The following DNAJC10 variants were observed in gnomAD, a reference collection of about 807,000 sequenced individuals.
DNAJC10 encodes the protein DnaJ heat shock protein family (Hsp40) member C10.
In DNAJC10, 101 loss-of-function variants were observed where a neutral mutation model predicts 115.0. The observed-to-expected ratio is 0.88, with a 90% CI of 0.75 to 1.04. DNAJC10 has a LOEUF of 1.04. Ranked by LOEUF, DNAJC10 falls within the 50% of genes least tolerant of loss-of-function variation. The probability of loss-of-function intolerance (pLI) is 0.00; values close to 1 mark genes in which losing one functional copy is unlikely to be tolerated. For synonymous variants in DNAJC10, 307 were observed against 301.5 expected, an observed-to-expected ratio of 1.02 and a Z score of -0.19; for missense variants, 981 against 928.8, an observed-to-expected ratio of 1.06 and a Z score of -0.73.
chr2:182,746,666 G>C (rs1459591507), intron 14 of DNAJC10, among the ~76,000 whole-genome samples: 6 of 151,996 alleles, frequency 3.9e-5, no homozygotes, highest in Non-Finnish European at 5.9e-5. Flanking sequence ...AAAATTTTCT[G>C]CCATTCTTTA....
rs1220295574 is a variant in DNAJC10, at chr2:182,788,818, A to G, written c.*11686A>G. ...CTCTATGACTTTATGATCACTTAGT[A>G]TGTCTACGGATTTTTTGGGGAAGAG... On this transcript the variant is annotated 3_prime_UTR_variant, in exon 24 of 24. Coordinates refer to ENST00000264065, the MANE Select transcript of DNAJC10 (RefSeq NM_018981.4). The G allele has an allele frequency of 4.4e-6, 2 of 456,532 alleles. No individual in the cohort carries two copies. Among genetic ancestry groups the G allele is most frequent in the African/African-American group, 2.0e-5 (1 of 50,164 alleles). 28.3% of individuals were successfully genotyped at this position (456,532 alleles called of 1,614,324 possible). A position where few individuals can be genotyped will look rare whatever the true frequency, so the allele number is the denominator to read the frequency against.
intron 22 of DNAJC10, among the ~76,000 whole-genome samples, chr2:182,774,148 C>T (rs1191548727): frequency 6.6e-6 from 1 of 152,200 alleles, no homozygotes; most frequent in African/African-American, 2.4e-5. Flanking sequence ...GCCTGGGTAT[C>T]ACCAGCAGAG....
intron 23 of DNAJC10, among the ~76,000 whole-genome samples, 191 bp from the exon 24 acceptor site, chr2:182,776,930 A>G (rs1241495390): frequency 6.6e-6 from 1 of 152,228 alleles, no homozygotes; most frequent in Non-Finnish European, 1.5e-5. Context: ...GTGAGCAGGT[A>G]AGAACTAGGA....
intron 22 of DNAJC10, among the ~76,000 whole-genome samples, chr2:182,766,347 TAA>T (rs1694411514): frequency 6.6e-6 from 1 of 152,062 alleles, no homozygotes; most frequent in Non-Finnish European, 1.5e-5. Flanking sequence ...ATGTATGATG[TAA>T]AGAGGGTGAT....
intron 8 of DNAJC10, among the ~76,000 whole-genome samples, chr2:182,730,336 G>A (rs1209567906): frequency 1.3e-5 from 2 of 152,118 alleles, no homozygotes; most frequent in East Asian, 1.9e-4. Context: ...CTCATTAACT[G>A]CCTTTAGGCA....
chr2:182,759,956 T>G (rs775821060), intron 21 of DNAJC10, among the ~76,000 whole-genome samples: 18 of 151,978 alleles, frequency 1.2e-4, no homozygotes, highest in Non-Finnish European at 1.8e-4. Context: ...TGTTCAAGAG[T>G]CATCTATGGT....
chr2:182,720,415 A>C (rs1426427994), intron 4 of DNAJC10, among the ~76,000 whole-genome samples: 5 of 152,200 alleles, frequency 3.3e-5, no homozygotes, highest in African/African-American at 1.2e-4. Flanking sequence ...TTAATAAAAA[A>C]TATGCATTCA....
chr2:182,742,307 T>G (rs1388642917), intron 13 of DNAJC10, among the ~76,000 whole-genome samples: 1 of 152,046 alleles, frequency 6.6e-6, no homozygotes, highest in Non-Finnish European at 1.5e-5. Flanking sequence ...TTCCAGTGAT[T>G]CCCTCCAGAG....
intron 8 of DNAJC10, chr2:182,730,464 A>T (rs924833012): frequency 2.5e-6 from 1 of 404,542 alleles, no homozygotes; most frequent in African/African-American, 2.1e-5. Flanking sequence ...AGTCCCTGCC[A>T]TCAGTGACTT....
At chr2:182,728,025 T>A (rs1693335651) in intron 5 of DNAJC10, among the ~76,000 whole-genome samples, 1 of 152,250 alleles carries the variant, frequency 6.6e-6, no homozygotes, top group Non-Finnish European at 1.5e-5. Context: ...AGGTAATGTC[T>A]TGTTTAGGGC....
rs1694877340 is a variant in DNAJC10, at chr2:182,782,736, A to G, written c.*5604A>G. On this transcript the variant is annotated 3_prime_UTR_variant, in exon 24 of 24. Coordinates refer to ENST00000264065, the MANE Select transcript of DNAJC10 (RefSeq NM_018981.4). ...CTCTGTTTGTCAATTATTGGTGTAT[A>G]GGAATGCTTGTGATTTTTGCACATT... The G allele has an allele frequency of 3.9e-5, 6 of 152,198 alleles. No homozygotes were observed. The South Asian group carries it at 1.0e-3, about 26-fold the overall frequency. The allele number at this position is 152,198 out of a possible 1,614,324, so 9.4% of individuals were successfully genotyped here.
chr2:182,762,780 T>C lies in DNAJC10; in HGVS notation c.2244T>C (p.Phe748=). 5.0e-6 allele frequency: 8 copies of C among 1,612,192 alleles called. No homozygotes were observed. The highest frequency in any genetic ancestry group is 6.8e-6 in the Non-Finnish European group (8 of 1,178,682). ...TCAGGGCCTATCCAACTGTTAAATT[T>C]TATTTCTACGAAAGAGCAAAGGTAT... ...AGIRAYPTVK[F]YFYERAKRNF... Residue 748 remains phenylalanine (F), a synonymous_variant, in exon 22 of 24, where the codon TTT becomes TTC. Transcript: ENST00000264065.
intron 5 of DNAJC10, among the ~76,000 whole-genome samples, chr2:182,724,479 TAAA>T (rs1322668422): frequency 2.6e-5 from 4 of 152,168 alleles, no homozygotes; most frequent in Non-Finnish European, 4.4e-5. Context: ...TATTTTAAAA[TAAA>T]AATTTCAGAA....
intron 22 of DNAJC10, among the ~76,000 whole-genome samples, chr2:182,772,643 TG>T (rs756839455): frequency 0.027 from 3,992 of 145,606 alleles, 76 homozygotes; most frequent in East Asian, 0.1. Flanking sequence ...CAACCCATGG[TG>T]TTTTGTTTTG....
chr2:182,740,706 A>G (rs563165020), intron 12 of DNAJC10, among the ~76,000 whole-genome samples: 2 of 152,280 alleles, frequency 1.3e-5, no homozygotes, highest in South Asian at 4.1e-4. Flanking sequence ...TACAGAACGG[A>G]TTATATTGAT....
chr2:182,751,552 T>C, intron 14 of DNAJC10, 106 bp from the exon 15 acceptor site: 1 of 1,316,164 alleles, frequency 7.6e-7, no homozygotes, highest in Non-Finnish European at 1.1e-6. Flanking sequence ...AATCAATTTG[T>C]TCATAATTTA....
intron 21 of DNAJC10, 49 bp downstream of exon 21, chr2:182,759,356 T>C (rs1694236379): frequency 6.5e-7 from 1 of 1,533,322 alleles, no homozygotes; most frequent in East Asian, 2.3e-5. Context: ...CATGTTTTAG[T>C]AATTAGATAA....
intron 17 of DNAJC10, among the ~76,000 whole-genome samples, chr2:182,756,011 A>G (rs1694147325): frequency 6.6e-6 from 1 of 152,130 alleles, no homozygotes; most frequent in Admixed American, 6.6e-5. Flanking sequence ...TTCACATTGG[A>G]TTTCTTTTAG....
At chr2:182,726,606 C>T (rs1452807624) in intron 5 of DNAJC10, among the ~76,000 whole-genome samples, 1 of 152,186 alleles carries the variant, frequency 6.6e-6, no homozygotes, top group East Asian at 1.9e-4. Flanking sequence ...TCATTGTCAT[C>T]TCATTTTAAG....
Sources: allele counts gnomAD v4.1 joint callset (sites outside exome capture counted in the v4.1 genomes callset), GRCh38; gene constraint gnomAD v4.1.1; transcripts MANE v1.5; gene names NCBI Gene and HGNC (gene_info 2026-07-23, HGNC 2026-07-21).